The following ATP13A5 variants were observed in gnomAD, a reference collection of about 807,000 sequenced individuals.
ATP13A5 encodes the protein ATPase 13A5.
ATP13A5 carries 149 observed loss-of-function variants against 150.2 expected under a neutral mutation model. That is an observed-to-expected ratio of 0.99 (90% CI 0.87 to 1.14). ATP13A5 has a LOEUF of 1.14. ATP13A5 is among the 50% of genes most tolerant of loss of function. The probability of loss-of-function intolerance (pLI) is 0.00; values close to 1 mark genes in which losing one functional copy is unlikely to be tolerated. For synonymous variants in ATP13A5, 497 were observed against 522.2 expected (o/e 0.95, Z 0.66); for missense variants, 1,383 against 1,449.3 (o/e 0.95, Z 0.74).
intron 17 of ATP13A5, among the ~76,000 whole-genome samples, chr3:193,318,750 A>G: frequency 6.6e-6 from 1 of 152,204 alleles, no homozygotes; most frequent in Non-Finnish European, 1.5e-5. Flanking sequence ...ACACACTGGT[A>G]TCTTGGAGTC....
intron 9 of ATP13A5, among the ~76,000 whole-genome samples, chr3:193,338,704 T>C (rs1479622266): frequency 6.6e-6 from 1 of 152,086 alleles, no homozygotes. Flanking sequence ...CTTTTTTTTG[T>C]TGTGTCTCTG....
intron 25 of ATP13A5, among the ~76,000 whole-genome samples, chr3:193,293,440 T>A (rs1718045412): frequency 6.6e-6 from 1 of 152,130 alleles, no homozygotes; most frequent in Admixed American, 6.5e-5. Flanking sequence ...GTGCAGGGTG[T>A]CTTGCATTAA....
At chr3:193,355,124 G>T (rs142433195) in intron 5 of ATP13A5, among the ~76,000 whole-genome samples, 1 of 151,634 alleles carries the variant, frequency 6.6e-6, no homozygotes, top group African/African-American at 2.4e-5. Context: ...TACAGACGGG[G>T]TTTCTCCATC....
rs748746679 is a variant in ATP13A5 at position 193,331,295 on chromosome 3, G to GT, written c.1288dup (p.Thr430AsnfsTer57). ...GAGGAGGATCAGGGCCATGGTCACA[G>GT]TATCTTTTGGAGGAACCTGGGAGAG... On this transcript the variant is annotated frameshift_variant, in exon 12 of 30. Transcript: ENST00000342358. LOFTEE classifies it high-confidence loss of function. The GT allele has an allele frequency of 2.5e-6, 4 of 1,613,234 alleles. No homozygotes were observed. The South Asian group carries it at 4.4e-5, about 18-fold the overall frequency.
Position 193,307,354 on chromosome 3 carries a change from C to G in ATP13A5, c.2541G>C (p.Met847Ile). The G allele has an allele frequency of 6.2e-7, 1 of 1,613,920 alleles. No individual in the cohort carries two copies. The highest frequency in any genetic ancestry group is 1.1e-5 in the South Asian group (1 of 91,070). Reference protein sequence around the residue: ...EFQKLNYYVGMCGDGANDCGA... With the variant: ...EFQKLNYYVGICGDGANDCGA... ...CACAGTCGTTAGCTCCATCTCCACA[C>G]ATGCCCACATAATAACTGCGGGAGA... Residue 847 changes from methionine (M) to isoleucine (I), a missense_variant, in exon 22 of 30, where the codon ATG (methionine) becomes ATC (isoleucine). Physicochemically the swap from Met to Ile is conservative, Grantham distance 10 (BLOSUM62 1). This residue lies in a region of ATP13A5 where 568 missense variants were observed against 621.5 expected (regional missense o/e 0.91). Coordinates refer to ENST00000342358, the MANE Select transcript of ATP13A5 (RefSeq NM_198505.4).
chr3:193,363,293 G>A lies in ATP13A5; in HGVS notation c.327C>T (p.Ser109=), dbSNP rs773665312. ...KFPVSKKWEE[S]LVADRHSVIN... The stretch of plus-strand genomic sequence containing the variant: ...TGACAGAGTGGCGGTCAGCCACCAG[G>A]GATTCTTCCCACTTCTTGCTTACAG... Residue 109 remains serine, a synonymous_variant, in exon 3 of 30, where the codon TCC becomes TCT. Coordinates refer to ENST00000342358, the MANE Select transcript of ATP13A5 (RefSeq NM_198505.4). 11 of 1,613,864 alleles carry A rather than the reference G, an allele frequency of 6.8e-6. No homozygotes were observed. Among genetic ancestry groups the A allele is most frequent in the Non-Finnish European group, 9.3e-6 (11 of 1,179,840 alleles).
chr3:193,370,517 T>C (rs756371751), intron 1 of ATP13A5, among the ~76,000 whole-genome samples: 77 of 152,328 alleles, frequency 5.1e-4, no homozygotes, highest in Non-Finnish European at 9.1e-4. Flanking sequence ...GTTCAAATCA[T>C]ACCTCTACCA....
At chr3:193,343,798 A>G (rs1712217243) in intron 9 of ATP13A5, 129 bp downstream of exon 9, 3 of 1,049,634 alleles carry the variant, frequency 2.9e-6, no homozygotes, top group Admixed American at 3.1e-5. Flanking sequence ...ATATAAATGC[A>G]AAGGCTGGCT....
chr3:193,318,370 A>C (rs373313133), intron 17 of ATP13A5, among the ~76,000 whole-genome samples: 81 of 152,328 alleles, frequency 5.3e-4, no homozygotes, highest in African/African-American at 1.8e-3. Context: ...AGATAATTTG[A>C]AAATAGCCTT....
chr3:193,314,444 C>A (rs1337256639), intron 18 of ATP13A5: 3 of 438,148 alleles, frequency 6.8e-6, no homozygotes, highest in African/African-American at 5.9e-5. Flanking sequence ...TAAAGAAATA[C>A]TTAAGCATTT....
chr3:193,281,273 A>G (rs1004561754), intron 27 of ATP13A5: 43 of 901,466 alleles, frequency 4.8e-5, no homozygotes, highest in East Asian at 1.2e-4. Flanking sequence ...AGACCTCACT[A>G]GCAACTGGGG....
In ATP13A5 at chr3:193,376,568, G is replaced by A. The variant is rs567475375; in HGVS notation, c.63+2095C>T. Among the ~76,000 whole-genome samples, 104 of 152,168 alleles carry A rather than the reference G, an allele frequency of 6.8e-4. 1 individual carries two copies. The highest frequency in any genetic ancestry group is 1.4e-3 in the African/African-American group (58 of 41,520). Reference sequence around the variant, plus strand: ...TTTTATTTTAAGTTCAGGGGTACATGCGCAGGATGTGCAGGTTTGATACTT... The same window carrying A: ...TTTTATTTTAAGTTCAGGGGTACATACGCAGGATGTGCAGGTTTGATACTT... On this transcript the variant is annotated intron_variant, in intron 1 of 29. Transcript: ENST00000342358.
intron 11 of ATP13A5, 79 bp from the exon 12 acceptor site, chr3:193,331,390 C>A (rs558250758): frequency 7.4e-7 from 1 of 1,344,284 alleles, no homozygotes; most frequent in South Asian, 1.4e-5. Context: ...AAGGAATGAG[C>A]ACATTGTCTC....
Position 193,364,076 on chromosome 3 carries a change from CTTTCAAAATAGAAAACAGAAAGGCACG to C in ATP13A5, c.237+4_237+30del. 6.2e-7 allele frequency: 1 copy of C among 1,608,622 alleles called. No individual in the cohort carries two copies. The highest frequency in any genetic ancestry group is 8.5e-7 in the Non-Finnish European group (1 of 1,175,770). ...GGCAATACAGAAGACACGATCATGG[CTTTCAAAATAGAAAACAGAAAGGCACG>C]CACTGTTGTCCTCAGCAAAACAGTG... On this transcript the variant is annotated splice_donor_5th_base_variant and intron_variant, in intron 2 of 29. Transcript: ENST00000342358.
intron 26 of ATP13A5, among the ~76,000 whole-genome samples, chr3:193,285,935 A>G (rs1717706423): frequency 6.6e-6 from 1 of 152,224 alleles, no homozygotes; most frequent in Admixed American, 6.5e-5. Context: ...CTTTATTTAC[A>G]TAATTTTATT....
intron 18 of ATP13A5, among the ~76,000 whole-genome samples, chr3:193,314,605 G>A (rs992296070): frequency 1.3e-5 from 2 of 152,094 alleles, no homozygotes; most frequent in Non-Finnish European, 1.5e-5. Context: ...CATACACCAT[G>A]CCTGGCCCTA....
intron 16 of ATP13A5, among the ~76,000 whole-genome samples, chr3:193,320,142 C>G (rs1348606289): frequency 1.3e-5 from 2 of 152,174 alleles, no homozygotes; most frequent in African/African-American, 4.8e-5. Flanking sequence ...GCTTAGGTGG[C>G]AAATCAACTA....
intron 5 of ATP13A5, among the ~76,000 whole-genome samples, chr3:193,358,074 G>C (rs561342084): frequency 1.3e-5 from 2 of 152,030 alleles, no homozygotes; most frequent in African/African-American, 4.8e-5. Flanking sequence ...CAAGGAGGAA[G>C]GAAGGGCATG....
chr3:193,326,915 C>G (rs1231737251), intron 13 of ATP13A5, 81 bp downstream of exon 13: 2 of 1,265,964 alleles, frequency 1.6e-6, no homozygotes, highest in Non-Finnish European at 2.3e-6. Flanking sequence ...ACATTCATCC[C>G]TTAACACCCA....
Sources: gnomAD v4.1 joint callset for allele counts (sites outside exome capture counted in the v4.1 genomes callset) on GRCh38, gnomAD v4.1.1 for gene constraint, gnomAD v4.1.1 regional missense constraint, MANE v1.5 for transcripts, NCBI Gene and HGNC (gene_info 2026-07-23, HGNC 2026-07-21) for gene names.